Variants in CCSER1 observed in about 807,000 individuals in gnomAD.
The protein encoded by CCSER1 is serine-rich coiled-coil domain-containing protein 1.
Under a neutral mutation model 82.0 loss-of-function variants are expected in CCSER1, and 41 were observed. The ratio of observed to expected loss-of-function variants is 0.50; its 90% confidence interval spans 0.39 to 0.65. CCSER1 has a LOEUF of 0.65. CCSER1 is among the 30% of genes least tolerant of loss of function. CCSER1 has a pLI of 0.00. For missense variants in CCSER1, 1,119 were observed against 1,064.2 expected (o/e 1.05, Z -0.72); for synonymous variants, 414 against 383.9 (o/e 1.08, Z -0.92).
chr4:90,287,508 T>TGC (rs1730117958), intron 1 of CCSER1, among the ~76,000 whole-genome samples: 1 of 151,864 alleles, frequency 6.6e-6, no homozygotes, highest in Non-Finnish European at 1.5e-5. Flanking sequence ...CTCACTGTTC[T>TGC]GCATTATTTC....
chr4:91,223,694 A>G (rs1321526044), intron 10 of CCSER1, among the ~76,000 whole-genome samples: 1 of 152,066 alleles, frequency 6.6e-6, no homozygotes, highest in Non-Finnish European at 1.5e-5. Flanking sequence ...TTTGAGAAGG[A>G]AGATTGGAGA....
intron 5 of CCSER1, among the ~76,000 whole-genome samples, chr4:90,485,937 A>G (rs973071696): frequency 1.3e-5 from 2 of 151,954 alleles, no homozygotes; most frequent in African/African-American, 4.8e-5. Flanking sequence ...GCTAACTTCT[A>G]TTCATCTTTT....
chr4:90,981,110 C>G (rs560801775), intron 9 of CCSER1, among the ~76,000 whole-genome samples: 28 of 151,890 alleles, frequency 1.8e-4, no homozygotes, highest in South Asian at 4.1e-4. Context: ...CTCCCTACCC[C>G]CTTGGGCAGA....
intron 10 of CCSER1, among the ~76,000 whole-genome samples, chr4:91,557,688 G>C (rs974634260): frequency 2.0e-5 from 3 of 151,330 alleles, no homozygotes; most frequent in Admixed American, 6.6e-5. Context: ...AAGAAGATAA[G>C]GGCATTCATG....
chr4:91,019,464 T>C (rs1014640738), intron 9 of CCSER1, among the ~76,000 whole-genome samples: 2 of 152,158 alleles, frequency 1.3e-5, no homozygotes, highest in African/African-American at 4.8e-5. Flanking sequence ...ATAATAAATT[T>C]GGAATTTTAT....
chr4:91,246,557 A>G (rs1262369379), intron 10 of CCSER1, among the ~76,000 whole-genome samples: 1 of 152,138 alleles, frequency 6.6e-6, no homozygotes, highest in Admixed American at 6.5e-5. Flanking sequence ...AAAGAAAGGA[A>G]ATCAGTATAT....
At chr4:91,447,780 A>T (rs1235067279) in intron 10 of CCSER1, among the ~76,000 whole-genome samples, 1 of 152,100 alleles carries the variant, frequency 6.6e-6, no homozygotes, top group African/African-American at 2.4e-5. Context: ...TTTAAAGTCT[A>T]GAAAGTACAG....
intron 1 of CCSER1, among the ~76,000 whole-genome samples, chr4:90,287,253 C>A (rs570557111): frequency 6.6e-6 from 1 of 151,584 alleles, no homozygotes; most frequent in African/African-American, 2.4e-5. Flanking sequence ...GCATTTAATG[C>A]TATAAAATTA....
chr4:90,179,474 A>C (rs1733323963), intron 1 of CCSER1, among the ~76,000 whole-genome samples: 1 of 152,042 alleles, frequency 6.6e-6, no homozygotes, highest in African/African-American at 2.4e-5. Context: ...CTCACCTCAA[A>C]CTCCTGGGAT....
intron 10 of CCSER1, among the ~76,000 whole-genome samples, chr4:91,425,031 A>G (rs1184701411): frequency 1.3e-5 from 2 of 152,096 alleles, no homozygotes; most frequent in East Asian, 3.8e-4. Context: ...TATTTTTATA[A>G]AACTATCCTA....
chr4:90,929,904 A>G (rs978715048), intron 9 of CCSER1, among the ~76,000 whole-genome samples: 1 of 152,170 alleles, frequency 6.6e-6, no homozygotes, highest in East Asian at 1.9e-4. Flanking sequence ...AAGTAATGGG[A>G]TGGTTGATGT....
intron 10 of CCSER1, among the ~76,000 whole-genome samples, chr4:91,172,865 T>C (rs1016941760): frequency 6.6e-6 from 1 of 152,138 alleles, no homozygotes; most frequent in African/African-American, 2.4e-5. Flanking sequence ...TCTAAACTCA[T>C]AGAAGAAACA....
chr4:90,857,607 C>A (rs532748724), intron 8 of CCSER1, among the ~76,000 whole-genome samples: 1 of 152,180 alleles, frequency 6.6e-6, no homozygotes, highest in South Asian at 2.1e-4. Flanking sequence ...TTAGTAGCTA[C>A]CTACCACATC....
intron 6 of CCSER1, among the ~76,000 whole-genome samples, chr4:90,673,743 A>G (rs1733254328): frequency 6.6e-6 from 1 of 152,028 alleles, no homozygotes; most frequent in Non-Finnish European, 1.5e-5. Context: ...AAAGATTGCA[A>G]AAACAGCAAC....
intron 10 of CCSER1, among the ~76,000 whole-genome samples, chr4:91,440,616 A>G (rs1755054052): frequency 6.6e-6 from 1 of 152,140 alleles, no homozygotes; most frequent in Admixed American, 6.6e-5. Flanking sequence ...AAATAACTAA[A>G]ATCAGAGCAG....
At chr4:90,835,352 A>G (rs991381504) in intron 8 of CCSER1, among the ~76,000 whole-genome samples, 3 of 152,204 alleles carry the variant, frequency 2.0e-5, no homozygotes, top group East Asian at 1.9e-4. Context: ...AAAATGAAAT[A>G]AAATAAAATA....
At chr4:90,180,059 C>T (rs1386553354) in intron 1 of CCSER1, among the ~76,000 whole-genome samples, 5 of 150,720 alleles carry the variant, frequency 3.3e-5, no homozygotes, top group South Asian at 4.2e-4. Context: ...TTCCTATAAA[C>T]GTATTTGATT....
chr4:91,283,959 C>A (rs762502901), intron 10 of CCSER1, among the ~76,000 whole-genome samples: 2 of 151,938 alleles, frequency 1.3e-5, no homozygotes, highest in African/African-American at 4.8e-5. Context: ...ATATGCAATC[C>A]CCAGTGTTGT....
chr4:91,498,507 ACTTCT>A (rs1475805796), intron 10 of CCSER1, among the ~76,000 whole-genome samples: 3 of 151,450 alleles, frequency 2.0e-5, no homozygotes, highest in African/African-American at 4.8e-5. Context: ...ATTTTTCTGC[ACTTCT>A]CTTTCTCCAT....
Sources: gnomAD v4.1 joint callset for allele counts (sites outside exome capture counted in the v4.1 genomes callset) on GRCh38, gnomAD v4.1.1 for gene constraint, MANE v1.5 for transcripts, NCBI Gene and HGNC (gene_info 2026-07-23, HGNC 2026-07-21) for gene names.